The following KLHL1 variants were observed in gnomAD, a reference collection of about 807,000 sequenced individuals.
KLHL1 encodes kelch-like protein 1.
Under a neutral mutation model 77.7 loss-of-function variants are expected in KLHL1, and 47 were observed. The observed-to-expected ratio is 0.60, with a 90% CI of 0.48 to 0.77. The LOEUF is 0.77. KLHL1 is among the 30% of genes least tolerant of loss of function. The pLI is 0.00. For synonymous variants in KLHL1, 360 were observed against 325.2 expected (o/e 1.11, Z -1.15); for missense variants, 925 against 910.8 (o/e 1.02, Z -0.20).
chr13:69,705,494 C>G (rs1407978242), intron 10 of KLHL1, among the ~76,000 whole-genome samples: 1 of 151,526 alleles, frequency 6.6e-6, no homozygotes, highest in Non-Finnish European at 1.5e-5. Flanking sequence ...TATGGAATAA[C>G]CAATTTAGTC....
At chr13:70,014,517 A>G (rs1008952473) in intron 1 of KLHL1, among the ~76,000 whole-genome samples, 6 of 151,820 alleles carry the variant, frequency 4.0e-5, no homozygotes, top group African/African-American at 1.2e-4. Context: ...GACAGTTAAG[A>G]AAATCATCAC....
At chr13:69,887,407 C>T (rs1375176573) in intron 4 of KLHL1, among the ~76,000 whole-genome samples, 1 of 152,112 alleles carries the variant, frequency 6.6e-6, no homozygotes, top group Non-Finnish European at 1.5e-5. Context: ...TCATTTTTTA[C>T]AACAGGGCCA....
At chr13:69,991,743 T>G (rs1286197683) in intron 1 of KLHL1, among the ~76,000 whole-genome samples, 1 of 151,322 alleles carries the variant, frequency 6.6e-6, no homozygotes, top group Non-Finnish European at 1.5e-5. Context: ...AAGAGGAGCA[T>G]TCCTACTGAA....
chr13:70,086,073 T>C (rs191418547), intron 1 of KLHL1, among the ~76,000 whole-genome samples: 28 of 152,246 alleles, frequency 1.8e-4, no homozygotes, highest in Middle Eastern at 3.4e-3. Context: ...ATATTACTAT[T>C]CCCATCTTAT....
At chr13:70,106,552 C>T (rs751869290) in intron 1 of KLHL1, among the ~76,000 whole-genome samples, 5 of 152,136 alleles carry the variant, frequency 3.3e-5, no homozygotes, top group Non-Finnish European at 5.9e-5. Context: ...GCCAACAAAT[C>T]ACAACAGCTA....
chr13:69,784,749 C>G (rs1198315134), intron 7 of KLHL1, among the ~76,000 whole-genome samples: 1 of 151,738 alleles, frequency 6.6e-6, no homozygotes, highest in Non-Finnish European at 1.5e-5. Context: ...GACTTTAACA[C>G]CCCACTGTCA....
intron 5 of KLHL1, among the ~76,000 whole-genome samples, chr13:69,879,204 T>TA (rs919838087): frequency 1.3e-5 from 2 of 152,020 alleles, no homozygotes; most frequent in Non-Finnish European, 2.9e-5. Context: ...TAAAGTATAA[T>TA]AAAAAATATA....
intron 8 of KLHL1, among the ~76,000 whole-genome samples, chr13:69,725,737 A>C (rs888984509): frequency 2.0e-5 from 3 of 152,174 alleles, no homozygotes; most frequent in Non-Finnish European, 4.4e-5. Flanking sequence ...GTATTGTTGT[A>C]GCTTAGTGAA....
intron 8 of KLHL1, among the ~76,000 whole-genome samples, chr13:69,722,209 A>G (rs558893149): frequency 4.2e-4 from 64 of 152,188 alleles, no homozygotes; most frequent in Non-Finnish European, 7.2e-4. Flanking sequence ...TTATTTATTC[A>G]TAAACATTAC....
At chr13:69,808,520 C>G (rs926572528) in intron 6 of KLHL1, among the ~76,000 whole-genome samples, 8 of 151,768 alleles carry the variant, frequency 5.3e-5, no homozygotes, top group Non-Finnish European at 1.0e-4. Flanking sequence ...ATATACGCCA[C>G]AGTCATATCC....
At chr13:69,828,072 C>T (rs1878617498) in intron 6 of KLHL1, among the ~76,000 whole-genome samples, 1 of 150,310 alleles carries the variant, frequency 6.7e-6, no homozygotes, top group East Asian at 1.9e-4. Flanking sequence ...GACAGAACAG[C>T]ATGAGGAGAC....
intron 3 of KLHL1, among the ~76,000 whole-genome samples, chr13:69,959,447 T>C (rs570719853): frequency 6.6e-6 from 1 of 151,998 alleles, no homozygotes; most frequent in South Asian, 2.1e-4. Context: ...TCAGGTTGTA[T>C]GCAAATTGAA....
chr13:69,742,832 C>T (rs1229357342), intron 7 of KLHL1, among the ~76,000 whole-genome samples: 3 of 152,074 alleles, frequency 2.0e-5, no homozygotes, highest in Non-Finnish European at 4.4e-5. Flanking sequence ...CTTGTTCTTT[C>T]ATTAGGTAGC....
intron 7 of KLHL1, among the ~76,000 whole-genome samples, chr13:69,785,927 G>A (rs180724734): frequency 2.8e-4 from 43 of 152,168 alleles, no homozygotes; most frequent in African/African-American, 9.9e-4. Context: ...TAAATTCCTC[G>A]ACACATACAC....
In KLHL1 at chr13:69,707,622, T is replaced by A. The variant is rs1430953628; in HGVS notation, c.2187+3A>T. On this transcript the variant is annotated splice_donor_region_variant and intron_variant, in intron 10 of 10. Coordinates refer to ENST00000377844, the MANE Select transcript of KLHL1 (RefSeq NM_020866.3). Reference sequence around the variant, plus strand: ...AAGTGAATTATGCTGATGACAATCTTACCTGTGTCCACTCATTAGTTTGTG... The same window carrying A: ...AAGTGAATTATGCTGATGACAATCTAACCTGTGTCCACTCATTAGTTTGTG... 1 of 1,609,690 alleles carries A rather than the reference T, an allele frequency of 6.2e-7. No homozygotes were observed. The highest frequency in any genetic ancestry group is 8.5e-7 in the Non-Finnish European group (1 of 1,177,330).
intron 4 of KLHL1, among the ~76,000 whole-genome samples, chr13:69,883,546 C>T (rs1366611891): frequency 6.6e-6 from 1 of 152,182 alleles, no homozygotes; most frequent in African/African-American, 2.4e-5. Context: ...AGATACCACA[C>T]TGCAGCCTAA....
intron 7 of KLHL1, among the ~76,000 whole-genome samples, chr13:69,756,369 G>T (rs111757498): frequency 3.9e-4 from 60 of 152,254 alleles, no homozygotes; most frequent in African/African-American, 1.3e-3. Context: ...TGACTAAAAT[G>T]AATTTCTGAT....
intron 9 of KLHL1, among the ~76,000 whole-genome samples, chr13:69,716,834 AAAT>A (rs1872777063): frequency 6.6e-6 from 1 of 152,180 alleles, no homozygotes; most frequent in Non-Finnish European, 1.5e-5. Flanking sequence ...GTTGCTGACT[AAAT>A]AGGTAAATGA....
intron 6 of KLHL1, among the ~76,000 whole-genome samples, chr13:69,829,907 A>T (rs1878694613): frequency 6.7e-6 from 1 of 150,228 alleles, no homozygotes; most frequent in Non-Finnish European, 1.5e-5. Context: ...TGCTGAGAGA[A>T]TTTGGCACTG....
Sources: allele counts gnomAD v4.1 joint callset (sites outside exome capture counted in the v4.1 genomes callset), GRCh38; gene constraint gnomAD v4.1.1; transcripts MANE v1.5; gene names NCBI Gene and HGNC (gene_info 2026-07-23, HGNC 2026-07-21).